FBN1: variants seen among roughly 807,000 people sequenced by gnomAD.
FBN1 encodes fibrillin-1.
Under a neutral mutation model 365.1 loss-of-function variants are expected in FBN1, and 29 were observed. The ratio of observed to expected loss-of-function variants is 0.08; its 90% CI spans 0.06 to 0.11. The LOEUF is 0.11. Ranked by LOEUF, FBN1 falls within the 10% of genes least tolerant of loss-of-function variation. The pLI is 1.00. For missense variants in FBN1, 2,476 were observed against 3,703.2 expected, an observed-to-expected ratio of 0.67 and a Z score of 8.60; for synonymous variants, 1,210 against 1,270.5, an observed-to-expected ratio of 0.95 and a Z score of 1.01.
At chr15:48,512,163 G>A (rs893930980) in intron 13 of FBN1, among the ~76,000 whole-genome samples, 8 of 152,008 alleles carry the variant, frequency 5.3e-5, no homozygotes, top group Admixed American at 3.9e-4. Context: ...CTCTACGTGA[G>A]AACAAAATTC....
chr15:48,479,126 T>C (rs554198937), intron 32 of FBN1, among the ~76,000 whole-genome samples: 9 of 152,338 alleles, frequency 5.9e-5, no homozygotes, highest in African/African-American at 2.2e-4. Context: ...GGAACATTAT[T>C]AGCAAAGCCA....
intron 8 of FBN1, among the ~76,000 whole-genome samples, chr15:48,532,468 G>A (rs2043980970): frequency 6.7e-6 from 1 of 149,632 alleles, no homozygotes; most frequent in Non-Finnish European, 1.5e-5. Flanking sequence ...AGATATGTGT[G>A]TGTGTATATG....
chr15:48,526,915 A>C (rs1278164522), intron 8 of FBN1, among the ~76,000 whole-genome samples: 3 of 152,198 alleles, frequency 2.0e-5, no homozygotes, highest in Non-Finnish European at 4.4e-5. Context: ...GCCCCTTCTA[A>C]GATTGCCTGA....
At position 48,495,225 on chromosome 15, in the gene FBN1, C is replaced by G. The variant is rs751723746; in HGVS notation, c.2575G>C (p.Asp859His). 3 of 1,614,112 alleles carry G rather than the reference C, an allele frequency of 1.9e-6. No individual in the cohort carries two copies. Among genetic ancestry groups the G allele is most frequent in the Non-Finnish European group, 2.5e-6 (3 of 1,180,042 alleles). Residue 859 changes from aspartate (D) to histidine (H), a missense_variant, in exon 22 of 66, where the codon GAT becomes CAT. Asp to His is a moderately conservative substitution (Grantham distance 81). Transcript: ENST00000316623. ...TTGATGTTGATCTCACATCGCCCAT[C>G]AATGACAGTCTGCCAGCAAGTGCCC... ...IKGTCWQTVI[D>H]GRCEININGA...
chr15:48,414,320 T>C (rs1336040542), intron 64 of FBN1, among the ~76,000 whole-genome samples: 1 of 152,212 alleles, frequency 6.6e-6, no homozygotes, highest in Non-Finnish European at 1.5e-5. Flanking sequence ...CCAAAATGAA[T>C]CACTTGATGT....
At chr15:48,470,592 G>A (rs535566058) in intron 36 of FBN1, 42 bp downstream of exon 36, 26 of 1,612,800 alleles carry the variant, frequency 1.6e-5, no homozygotes, top group African/African-American at 2.7e-5. Context: ...TGGGTCCCCC[G>A]GGACACCAGG....
At position 48,644,812 on chromosome 15, in the gene FBN1, CG is replaced by C. The variant is rs1198822568; in HGVS notation, c.-44del. ...GGCTCCCGCCGCCTCTTGCCGCGCCCGGGGCTCGGTCTGCGGCCGCCGCTGC... is the reference window on the plus strand; with the variant it reads ...GGCTCCCGCCGCCTCTTGCCGCGCCCGGGCTCGGTCTGCGGCCGCCGCTGC... On this transcript the variant is annotated 5_prime_UTR_variant, in exon 2 of 66. Coordinates refer to ENST00000316623, the MANE Select transcript of FBN1 (RefSeq NM_000138.5). 3 of 1,586,104 alleles carry C rather than the reference CG, an allele frequency of 1.9e-6. No individual in the cohort carries two copies. Among genetic ancestry groups the C allele is most frequent in the Admixed American group, 1.7e-5 (1 of 57,586 alleles).
chr15:48,597,843 T>A (rs1279891713), intron 5 of FBN1, among the ~76,000 whole-genome samples: 1 of 152,236 alleles, frequency 6.6e-6, no homozygotes, highest in African/African-American at 2.4e-5. Flanking sequence ...CCCTCCCAGA[T>A]TACAGATGAG....
intron 35 of FBN1, 33 bp from the exon 36 acceptor site, chr15:48,470,789 A>G (rs780292321): frequency 2.9e-5 from 47 of 1,607,716 alleles, no homozygotes; most frequent in Middle Eastern, 1.7e-4. Context: ...CAAAAAACTT[A>G]ACTTATATTT....
At chr15:48,536,584 T>G (rs902168373) in intron 7 of FBN1, among the ~76,000 whole-genome samples, 3 of 152,206 alleles carry the variant, frequency 2.0e-5, no homozygotes, top group African/African-American at 7.2e-5. Flanking sequence ...CATCCCTTGA[T>G]AATTTTAGAG....
At chr15:48,612,988 G>C (rs779954403) in intron 3 of FBN1, 22 bp downstream of exon 3, 5 of 1,574,830 alleles carry the variant, frequency 3.2e-6, no homozygotes, top group Non-Finnish European at 4.4e-6. Context: ...CATGCAGAAT[G>C]ACAAGTTTTC....
At chr15:48,481,252 TA>T (rs1165008015) in intron 32 of FBN1, among the ~76,000 whole-genome samples, 1 of 152,184 alleles carries the variant, frequency 6.6e-6, no homozygotes, top group African/African-American at 2.4e-5. Flanking sequence ...TGTTTTCCTT[TA>T]AAGAGCAATT....
chr15:48,607,379 T>C lies in FBN1; in HGVS notation c.346+3349A>G, dbSNP rs866163267. The stretch of plus-strand genomic sequence containing the variant: ...ACACATACATATACATATATATATA[T>C]ATATATATTATTGTCTAAATGTTTG... On this transcript the variant is annotated intron_variant, in intron 4 of 65. Coordinates refer to ENST00000316623, the MANE Select transcript of FBN1 (RefSeq NM_000138.5). Among the ~76,000 whole-genome samples, 18 of 148,728 alleles carry C rather than the reference T, an allele frequency of 1.2e-4. No individual in the cohort carries two copies. The South Asian group carries it at 1.5e-3, about 12-fold the overall frequency.
intron 43 of FBN1, among the ~76,000 whole-genome samples, 192 bp downstream of exon 43, chr15:48,460,054 T>C (rs972819013): frequency 1.3e-5 from 2 of 152,230 alleles, no homozygotes; most frequent in African/African-American, 2.4e-5. Context: ...GAACAACAAA[T>C]GTTGTTGCCA....
chr15:48,604,752 A>G (rs2044593459), intron 4 of FBN1, among the ~76,000 whole-genome samples: 1 of 152,172 alleles, frequency 6.6e-6, no homozygotes, highest in African/African-American at 2.4e-5. Context: ...AAGCTTTTTC[A>G]AGGAGGACTT....
chr15:48,594,182 G>T (rs2044500347), intron 6 of FBN1, among the ~76,000 whole-genome samples: 1 of 152,186 alleles, frequency 6.6e-6, no homozygotes, highest in African/African-American at 2.4e-5. Context: ...AATGGAAATA[G>T]AATTCTGGAA....
chr15:48,568,065 A>AAAG (rs1300421082), intron 6 of FBN1, among the ~76,000 whole-genome samples: 9 of 128,796 alleles, frequency 7.0e-5, no homozygotes, highest in Non-Finnish European at 1.6e-5. Context: ...AGAAAGAAAG[A>AAAG]AAGAAAGAAA....
chr15:48,561,563 A>G (rs1353992788), intron 6 of FBN1, among the ~76,000 whole-genome samples: 1 of 152,188 alleles, frequency 6.6e-6, no homozygotes, highest in Non-Finnish European at 1.5e-5. Flanking sequence ...AATAGAACAT[A>G]CTAAATATCA....
intron 2 of FBN1, among the ~76,000 whole-genome samples, chr15:48,632,711 G>A (rs1890010100): frequency 6.6e-6 from 1 of 152,130 alleles, no homozygotes; most frequent in Non-Finnish European, 1.5e-5. Context: ...CCACAGCCAG[G>A]CTCAAATAGG....
Sources: gnomAD v4.1 joint callset for allele counts (sites outside exome capture counted in the v4.1 genomes callset) on GRCh38, gnomAD v4.1.1 for gene constraint, MANE v1.5 for transcripts, NCBI Gene and HGNC (gene_info 2026-07-23, HGNC 2026-07-21) for gene names.